The following MFSD2B variants were observed in gnomAD, a reference collection of about 807,000 sequenced individuals.
MFSD2B encodes the protein sphingosine-1-phosphate transporter MFSD2B.
In MFSD2B, 56 loss-of-function variants were observed where a neutral mutation model predicts 58.4. The ratio of observed to expected loss-of-function variants is 0.96; its 90% CI spans 0.77 to 1.20. MFSD2B has a LOEUF of 1.20. Ranked by LOEUF, MFSD2B falls within the 50% of genes most tolerant of loss-of-function variation. The pLI is 0.00. For missense variants in MFSD2B, 645 were observed against 667.6 expected (o/e 0.97, Z 0.37); for synonymous variants, 287 against 294.4 (o/e 0.97, Z 0.26).
rs553493085 is a variant in MFSD2B, at chr2:24,017,235, G to A, written c.472-51G>A. ...ACACCCAGGATGGGGGAGGTCGCCC[G>A]CTGTCACCAGGCAAAGCTGGGGGCG... On this transcript the variant is annotated intron_variant, in intron 4 of 13. Coordinates refer to ENST00000338315, the MANE Select transcript of MFSD2B (RefSeq NM_001346880.2). The surrounding 1 kb of genome is among the most constrained non-coding windows in gnomAD (Gnocchi z 4.8). The A allele has an allele frequency of 7.8e-6, 12 of 1,535,626 alleles. No homozygotes were observed. The African/African-American group carries it at 8.2e-5, about 11-fold the overall frequency.
chr2:24,023,499 C>A lies in MFSD2B; in HGVS notation c.1170-84C>A, dbSNP rs1662873425. 1 of 1,471,126 alleles carries A rather than the reference C, an allele frequency of 6.8e-7. No homozygotes were observed. The allele number at this position is 1,471,126 out of a possible 1,614,324, so 91.1% of individuals were successfully genotyped here. Reference sequence around the variant, plus strand: ...CTGGGCACAGAACTCAGGGATGAATCCACTTTGGCCTCCGTCCCCAGAGAA... The same window carrying A: ...CTGGGCACAGAACTCAGGGATGAATACACTTTGGCCTCCGTCCCCAGAGAA... On this transcript the variant is annotated intron_variant, in intron 11 of 13. Coordinates refer to ENST00000338315, the MANE Select transcript of MFSD2B (RefSeq NM_001346880.2). The surrounding 1 kb of genome is among the most constrained non-coding windows in gnomAD (Gnocchi z 5.0).
rs1018942602 is a variant in MFSD2B at position 24,020,275 on chromosome 2, AC to A, written c.682-1370del. On this transcript the variant is annotated intron_variant, in intron 6 of 13. Coordinates refer to ENST00000338315, the MANE Select transcript of MFSD2B (RefSeq NM_001346880.2). The surrounding 1 kb of genome is among the most constrained non-coding windows in gnomAD (Gnocchi z 4.1). The stretch of plus-strand genomic sequence containing the variant: ...GACTGGATGCTCTTGGTGGCTCACA[AC>A]CCACTGTCCCATCAGATTTCACTTA... Among the ~76,000 whole-genome samples the A allele has an allele frequency of 7.9e-5, 12 of 152,204 alleles. No homozygotes were observed. Among genetic ancestry groups the A allele is most frequent in the Non-Finnish European group, 1.6e-4 (11 of 68,034 alleles).
At position 24,023,205 on chromosome 2, in the gene MFSD2B, G is replaced by T; in HGVS notation, c.1135G>T (p.Gly379Cys). 6.2e-7 allele frequency: 1 copy of T among 1,613,718 alleles called. No homozygotes were observed. Among genetic ancestry groups the T allele is most frequent in the Non-Finnish European group, 8.5e-7 (1 of 1,179,852 alleles). ...GGCATATGTCGTGGCCTTTGTATCT[G>T]GCGTGAGCATTGCTGTGTCCTTGCT... Reference protein sequence around the residue: ...PVAYVVAFVSGVSIAVSLLLP... With the variant: ...PVAYVVAFVSCVSIAVSLLLP... The change falls in exon 11 of 14, where the codon GGC becomes TGC. Residue 379 changes from glycine (G) to cysteine (C), a missense_variant. Transcript: ENST00000338315. The surrounding 1 kb of genome is among the most constrained non-coding windows in gnomAD (Gnocchi z 5.0).
In MFSD2B at chr2:24,023,724, G is replaced by A; in HGVS notation, c.1311G>A (p.Leu437=). 1.9e-6 allele frequency: 3 copies of A among 1,613,760 alleles called. No individual in the cohort carries two copies. The highest frequency in any genetic ancestry group is 2.5e-6 in the Non-Finnish European group (3 of 1,179,748). ...ACALGISTLS[L]EFSGYKAGVC... is the part of the protein sequence containing the mutation. ...CCCTGGGCATCTCCACCCTCAGTCT[G>A]GAGTGAGTCCCAGGGTTAGGATACA... Residue 437 remains leucine, a splice_region_variant and synonymous_variant, in exon 12 of 14, where the codon CTG becomes CTA. Transcript: ENST00000338315. The surrounding 1 kb of genome is among the most constrained non-coding windows in gnomAD (Gnocchi z 5.0).
Position 24,017,076 on chromosome 2 carries a change from G to T in MFSD2B, c.471+108G>T. On this transcript the variant is annotated intron_variant, in intron 4 of 13. Transcript: ENST00000338315. The surrounding 1 kb of genome is among the most constrained non-coding windows in gnomAD (Gnocchi z 4.8). ...GGGCTGCCGCCCTCCCCACCCGCCT[G>T]TGCCTGGACCATGCCATTGGCACTC... 6.6e-7 allele frequency: 1 copy of T among 1,508,068 alleles called. No homozygotes were observed. Among genetic ancestry groups the T allele is most frequent in the Non-Finnish European group, 9.0e-7 (1 of 1,110,942 alleles). 93.4% of individuals were successfully genotyped at this position (1,508,068 alleles called of 1,614,324 possible). A position where few individuals can be genotyped will look rare whatever the true frequency, so the allele number is the denominator to read the frequency against.
Position 24,016,967 on chromosome 2 carries a change from C to T in MFSD2B, c.470C>T (p.Thr157Met), listed in dbSNP as rs776859482. The T allele has an allele frequency of 2.1e-5, 34 of 1,613,590 alleles. No individual in the cohort carries two copies. Among genetic ancestry groups the T allele is most frequent in the Admixed American group, 3.3e-5 (2 of 60,012 alleles). ...TACTGCCTGTTCCAGGCCCTGGCCA[C>T]GGTAAGCAGGGCCCCTTCCTGGGCC... ...TFYCLFQALA[T>M]FFQVPYTALT... Residue 157 changes from threonine to methionine, a missense_variant and splice_region_variant, in exon 4 of 14, where the codon ACG (threonine) becomes ATG (methionine). Physicochemically the swap from Thr to Met is moderately conservative, Grantham distance 81 (BLOSUM62 -1). Transcript: ENST00000338315.
Position 24,023,573 on chromosome 2 carries a change from C to G in MFSD2B, c.1170-10C>G. ...GGGCTAGGAGGGCTAACTCCACACC[C>G]CCGCCGCAGGTCCATGCTGCCAGAC... On this transcript the variant is annotated splice_polypyrimidine_tract_variant and intron_variant, in intron 11 of 13. Coordinates refer to ENST00000338315, the MANE Select transcript of MFSD2B (RefSeq NM_001346880.2). This position sits in a 1 kb window ranked among gnomAD's most constrained non-coding sequence, Gnocchi z 5.0. 1 of 1,612,284 alleles carries G rather than the reference C, an allele frequency of 6.2e-7. No individual in the cohort carries two copies. The highest frequency in any genetic ancestry group is 2.2e-5 in the East Asian group (1 of 44,840).
chr2:24,019,963 C>T (rs1420658020), intron 6 of MFSD2B, among the ~76,000 whole-genome samples: 4 of 152,244 alleles, frequency 2.6e-5, no homozygotes, highest in Non-Finnish European at 1.5e-5. Flanking sequence ...CCATTCAGGC[C>T]TCCCATGCCT....
In MFSD2B at chr2:24,022,806, T is replaced by C. The variant is rs2150942465; in HGVS notation, c.979-16T>C. ...TGGCAGCACGGCCCTGGCGTGACGA[T>C]GCTGTCTGCTCACAGGTCTCAGCCG... On this transcript the variant is annotated splice_polypyrimidine_tract_variant and intron_variant, in intron 9 of 13. Transcript: ENST00000338315. This position sits in a 1 kb window ranked among gnomAD's most constrained non-coding sequence, Gnocchi z 4.5. 6.4e-7 allele frequency: 1 copy of C among 1,551,906 alleles called. No individual in the cohort carries two copies. Among genetic ancestry groups the C allele is most frequent in the Non-Finnish European group, 8.7e-7 (1 of 1,151,680 alleles).
In MFSD2B at chr2:24,020,992, G is replaced by A. The variant is rs909708633; in HGVS notation, c.682-656G>A. Among the ~76,000 whole-genome samples, 1 of 152,022 alleles carries A rather than the reference G, an allele frequency of 6.6e-6. No individual in the cohort carries two copies. The highest frequency in any genetic ancestry group is 6.6e-5 in the Admixed American group (1 of 15,264). ...GCTCACTGCAACCTCCATCTCCCCA[G>A]TTCAAGTGATTCTCCTGCCTCAGCC... is the stretch of plus-strand genomic sequence containing the variant. On this transcript the variant is annotated intron_variant, in intron 6 of 13. Transcript: ENST00000338315. The surrounding 1 kb of genome is among the most constrained non-coding windows in gnomAD (Gnocchi z 4.1).
Position 24,017,209 on chromosome 2 carries a change from G to GA in MFSD2B, c.472-76dup. ...CGTTGGCCTGTGGGTGTCGGGATGT[G>GA]ACACCCAGGATGGGGGAGGTCGCCC... On this transcript the variant is annotated intron_variant, in intron 4 of 13. Coordinates refer to ENST00000338315, the MANE Select transcript of MFSD2B (RefSeq NM_001346880.2). This position sits in a 1 kb window ranked among gnomAD's most constrained non-coding sequence, Gnocchi z 4.8. 1.4e-5 allele frequency: 21 copies of GA among 1,453,134 alleles called. No individual in the cohort carries two copies. The highest frequency in any genetic ancestry group is 1.9e-5 in the Non-Finnish European group (20 of 1,066,852). The allele number at this position is 1,453,134 out of a possible 1,614,324, so 90.0% of individuals were successfully genotyped here. A position where few individuals can be genotyped will look rare whatever the true frequency, so the allele number is the denominator to read the frequency against.
In MFSD2B at chr2:24,016,811, G is replaced by A. The variant is rs369772461; in HGVS notation, c.348-34G>A. 85 of 1,608,076 alleles carry A rather than the reference G, an allele frequency of 5.3e-5. No homozygotes were observed. In the East Asian group the frequency reaches 1.3e-3, roughly 24 times the overall value. Reference sequence around the variant, plus strand: ...CCCTTTGTGTTCCCCTGTCTGGGTCGGGGGGCCGCTCCACCTCGGCTGTGC... The same window carrying A: ...CCCTTTGTGTTCCCCTGTCTGGGTCAGGGGGCCGCTCCACCTCGGCTGTGC... On this transcript the variant is annotated intron_variant, in intron 3 of 13. Transcript: ENST00000338315.
Position 24,021,848 on chromosome 2 carries a change from G to A in MFSD2B, c.773-1G>A, listed in dbSNP as rs1053060977. The A allele has an allele frequency of 1.2e-6, 2 of 1,613,808 alleles. No homozygotes were observed. The highest frequency in any genetic ancestry group is 1.7e-6 in the Non-Finnish European group (2 of 1,179,862). ...CAAGGTGACACGCTTCTGCGTTGCAGACCCCTCTGCCCCAGCCTCAGGCCC... is the reference window on the plus strand; with the variant it reads ...CAAGGTGACACGCTTCTGCGTTGCAAACCCCTCTGCCCCAGCCTCAGGCCC... On this transcript the variant is annotated splice_acceptor_variant, in intron 7 of 13. Coordinates refer to ENST00000338315, the MANE Select transcript of MFSD2B (RefSeq NM_001346880.2). LOFTEE classifies it high-confidence loss of function. The surrounding 1 kb of genome is among the most constrained non-coding windows in gnomAD (Gnocchi z 5.7).
rs1343557902 is a variant in MFSD2B at position 24,024,642 on chromosome 2, G to A, written c.1490+371G>A. On this transcript the variant is annotated intron_variant, in intron 13 of 13. Coordinates refer to ENST00000338315, the MANE Select transcript of MFSD2B (RefSeq NM_001346880.2). This position sits in a 1 kb window ranked among gnomAD's most constrained non-coding sequence, Gnocchi z 4.3. ...TGTGCTTCCCTCAACTTCCACAGCC[G>A]CATATCACTGGCATGTGGACATTTC... Among the ~76,000 whole-genome samples the A allele has an allele frequency of 1.3e-5, 2 of 152,076 alleles. No individual in the cohort carries two copies. Among genetic ancestry groups the A allele is most frequent in the Non-Finnish European group, 2.9e-5 (2 of 68,034 alleles).
At position 24,016,768 on chromosome 2, in the gene MFSD2B, G is replaced by A. The variant is rs1018376399; in HGVS notation, c.348-77G>A. 8 of 1,558,782 alleles carry A rather than the reference G, an allele frequency of 5.1e-6. No homozygotes were observed. The African/African-American group carries it at 8.1e-5, about 16-fold the overall frequency. On this transcript the variant is annotated intron_variant, in intron 3 of 13. Coordinates refer to ENST00000338315, the MANE Select transcript of MFSD2B (RefSeq NM_001346880.2). The stretch of plus-strand genomic sequence containing the variant: ...ATTCTCAAGGGGCAGAGAAGGGGTG[G>A]GGTTCCTCCAGGCTGGGCCCTTTGT...
At position 24,024,926 on chromosome 2, in the gene MFSD2B, G is replaced by T. The variant is rs1662924932; in HGVS notation, c.1491-506G>T. 6.6e-6 allele frequency among the ~76,000 whole-genome samples: 1 copy of T among 152,046 alleles called. No individual in the cohort carries two copies. The highest frequency in any genetic ancestry group is 2.1e-4 in the South Asian group (1 of 4,814). ...ACTCACTGTCTGACCTTCCGGGGAGGCTATGGGAACCTTGAAGGCTGAGGC... is the reference window on the plus strand; with the variant it reads ...ACTCACTGTCTGACCTTCCGGGGAGTCTATGGGAACCTTGAAGGCTGAGGC... On this transcript the variant is annotated intron_variant, in intron 13 of 13. Coordinates refer to ENST00000338315, the MANE Select transcript of MFSD2B (RefSeq NM_001346880.2). This position sits in a 1 kb window ranked among gnomAD's most constrained non-coding sequence, Gnocchi z 4.3.
chr2:24,017,198 T>G lies in MFSD2B; in HGVS notation c.472-88T>G. On this transcript the variant is annotated intron_variant, in intron 4 of 13. Coordinates refer to ENST00000338315, the MANE Select transcript of MFSD2B (RefSeq NM_001346880.2). The surrounding 1 kb of genome is among the most constrained non-coding windows in gnomAD (Gnocchi z 4.8). ...GGGATATGTCACGTTGGCCTGTGGG[T>G]GTCGGGATGTGACACCCAGGATGGG... 1 of 1,392,428 alleles carries G rather than the reference T, an allele frequency of 7.2e-7. No individual in the cohort carries two copies. The highest frequency in any genetic ancestry group is 9.8e-7 in the Non-Finnish European group (1 of 1,016,318). The allele number at this position is 1,392,428 out of a possible 1,614,324, so 86.3% of individuals were successfully genotyped here. A position where few individuals can be genotyped will look rare whatever the true frequency, so the allele number is the denominator to read the frequency against.
intron 2 of MFSD2B, among the ~76,000 whole-genome samples, 184 bp from the exon 3 acceptor site, chr2:24,015,972 C>T (rs1481884487): frequency 6.6e-6 from 1 of 152,216 alleles, no homozygotes; most frequent in Non-Finnish European, 1.5e-5. Flanking sequence ...CGGCAGCACT[C>T]AGCTCCCTCC....
intron 3 of MFSD2B, 130 bp from the exon 4 acceptor site, chr2:24,016,715 C>A: frequency 1.8e-6 from 2 of 1,137,324 alleles, no homozygotes; most frequent in Non-Finnish European, 2.5e-6. Flanking sequence ...CTGCTCCTGG[C>A]TCCCACCCAG....
Sources: allele counts gnomAD v4.1 joint callset (sites outside exome capture counted in the v4.1 genomes callset), GRCh38; gene constraint gnomAD v4.1.1; non-coding constraint Gnocchi (gnomAD v3.1); transcripts MANE v1.5; gene names NCBI Gene and HGNC (gene_info 2026-07-23, HGNC 2026-07-21).